The following CERKL variants were observed in gnomAD, a reference collection of about 807,000 sequenced individuals.
The protein encoded by CERKL is CERK like autophagy regulator.
CERKL carries 61 observed loss-of-function variants against 63.4 expected under a neutral mutation model. That is an observed-to-expected ratio of 0.96 (90% CI 0.78 to 1.19). CERKL has a LOEUF of 1.19. CERKL is among the 50% of genes most tolerant of loss of function. The pLI, the probability that CERKL is intolerant of heterozygous loss-of-function variation, is 0.00. For missense variants in CERKL, 675 were observed against 655.5 expected (o/e 1.03, Z -0.33); for synonymous variants, 250 against 230.5 (o/e 1.08, Z -0.77).
intron 1 of CERKL, among the ~76,000 whole-genome samples, chr2:181,637,521 T>C (rs925208430): frequency 2.0e-5 from 3 of 152,098 alleles, no homozygotes; most frequent in Non-Finnish European, 4.4e-5. Context: ...ATATTGTACA[T>C]GTGTTTAAGA....
intron 1 of CERKL, among the ~76,000 whole-genome samples, chr2:181,615,251 T>C (rs1686141689): frequency 6.6e-6 from 1 of 152,192 alleles, no homozygotes; most frequent in Admixed American, 6.5e-5. Flanking sequence ...CTTGTCACCA[T>C]GAGAGCAAAG....
At chr2:181,619,837 G>A (rs1017832612) in intron 1 of CERKL, among the ~76,000 whole-genome samples, 1 of 152,194 alleles carries the variant, frequency 6.6e-6, no homozygotes, top group Non-Finnish European at 1.5e-5. Flanking sequence ...ACCAGAGGGT[G>A]AAGGTTCAAA....
intron 1 of CERKL, 111 bp downstream of exon 1, chr2:181,656,658 G>A: frequency 1.1e-6 from 1 of 926,202 alleles, no homozygotes; most frequent in South Asian, 1.8e-5. Flanking sequence ...GCACGGGGAG[G>A]GGAGGCGAGA....
At chr2:181,579,189 A>G (rs956727796) in intron 2 of CERKL, among the ~76,000 whole-genome samples, 11 of 151,966 alleles carry the variant, frequency 7.2e-5, no homozygotes, top group African/African-American at 2.7e-4. Flanking sequence ...AAGTGCTTAG[A>G]AAAGCACCTG....
chr2:181,574,466 G>A (rs1159984050), intron 2 of CERKL, among the ~76,000 whole-genome samples: 1 of 152,178 alleles, frequency 6.6e-6, no homozygotes, highest in Non-Finnish European at 1.5e-5. Context: ...AAAGGGGCCA[G>A]GGGAGAAAGA....
At chr2:181,552,500 C>T in intron 5 of CERKL, among the ~76,000 whole-genome samples, 1 of 152,150 alleles carries the variant, frequency 6.6e-6, no homozygotes, top group East Asian at 1.9e-4. Context: ...TGCCTTCCAC[C>T]ATGGTTGTAA....
Position 181,537,122 on chromosome 2 carries a change from T to TTTAAAAAAC in CERKL, c.*1053_*1061dup, listed in dbSNP as rs1687164397. On this transcript the variant is annotated 3_prime_UTR_variant, in exon 13 of 13. Transcript: ENST00000410087. ...ATAAACTTTATGACATTTATGTATTTTTAAAAAACTTTGTATCGTTATAAA... is the reference window on the plus strand; with the variant it reads ...ATAAACTTTATGACATTTATGTATTTTTAAAAAACTTAAAAAACTTTGTATCGTTATAAA... 4.4e-6 allele frequency: 2 copies of TTTAAAAAAC among 453,002 alleles called. No homozygotes were observed. Among genetic ancestry groups the TTTAAAAAAC allele is most frequent in the Admixed American group, 4.7e-5 (2 of 42,350 alleles). The allele number at this position is 453,002 out of a possible 1,614,324, so 28.1% of individuals were successfully genotyped here.
chr2:181,644,158 T>C (rs1687568778), intron 1 of CERKL, among the ~76,000 whole-genome samples: 1 of 152,236 alleles, frequency 6.6e-6, no homozygotes, highest in Admixed American at 6.5e-5. Context: ...TGAGGTGTAT[T>C]CTTAATTTTT....
At chr2:181,609,530 T>C (rs1685867612) in intron 1 of CERKL, among the ~76,000 whole-genome samples, 1 of 26,730 alleles carries the variant, frequency 3.7e-5, no homozygotes, top group African/African-American at 1.7e-4. Flanking sequence ...ACCCTGTCTC[T>C]ACTAAAAAAA....
chr2:181,611,318 G>A (rs569962701), intron 1 of CERKL, among the ~76,000 whole-genome samples: 1 of 152,124 alleles, frequency 6.6e-6, no homozygotes, highest in Admixed American at 6.5e-5. Context: ...TGGAGTATTG[G>A]TTTTGTTAAA....
rs142033823 is a variant in CERKL, at chr2:181,574,490, T to A, written c.482-606A>T. 1.7e-4 allele frequency among the ~76,000 whole-genome samples: 26 copies of A among 152,248 alleles called. 1 individual carries two copies. In the East Asian group the frequency reaches 4.8e-3, roughly 28 times the overall value. ...AGGGGAGAAAGAACTCTTTTGGGAA[T>A]TGGGAAAGCAACGCCTCTCAGCAGG... On this transcript the variant is annotated intron_variant, in intron 2 of 12. Coordinates refer to ENST00000410087, the MANE Select transcript of CERKL (RefSeq NM_201548.5).
chr2:181,575,828 C>T (rs750666534), intron 2 of CERKL, among the ~76,000 whole-genome samples: 1 of 152,146 alleles, frequency 6.6e-6, no homozygotes, highest in Admixed American at 6.5e-5. Context: ...TTCCTTTAAG[C>T]TCCACCCCAT....
chr2:181,537,230 G>T lies in CERKL; in HGVS notation c.*954C>A, dbSNP rs11553356. The stretch of plus-strand genomic sequence containing the variant: ...GATTTAGAACTGTCTTCTCCAGGAT[G>T]GTCTCTAAGGAAATTTACATTTGGT... On this transcript the variant is annotated 3_prime_UTR_variant, in exon 13 of 13. Transcript: ENST00000410087. 0.13 allele frequency: 58,159 copies of T among 452,766 alleles called. 4,653 individuals are homozygous for T. The highest frequency in any genetic ancestry group is 0.22 in the African/African-American group (10,981 of 49,916). 28.0% of individuals were successfully genotyped at this position (452,766 alleles called of 1,614,324 possible).
rs781266244 is a variant in CERKL at position 181,536,777 on chromosome 2, T to C, written c.*1407A>G. ...AAATTTCTTTAAATACAATCATTTT[T>C]GTAATATTTATTTTATGCTTATGAT... On this transcript the variant is annotated 3_prime_UTR_variant, in exon 13 of 13. Coordinates refer to ENST00000410087, the MANE Select transcript of CERKL (RefSeq NM_201548.5). The C allele has an allele frequency of 4.4e-5, 11 of 249,446 alleles. No homozygotes were observed. The highest frequency in any genetic ancestry group is 4.1e-4 in the South Asian group (9 of 22,018). 15.5% of individuals were successfully genotyped at this position (249,446 alleles called of 1,614,324 possible).
chr2:181,641,160 C>T (rs886541379), intron 1 of CERKL, among the ~76,000 whole-genome samples: 1 of 151,970 alleles, frequency 6.6e-6, no homozygotes, highest in Admixed American at 6.6e-5. Context: ...CAATGTATCA[C>T]AATGACCATG....
At chr2:181,541,828 G>C (rs1466917119) in intron 11 of CERKL, among the ~76,000 whole-genome samples, 1 of 152,234 alleles carries the variant, frequency 6.6e-6, no homozygotes, top group Non-Finnish European at 1.5e-5. Flanking sequence ...AGAAAGTGGT[G>C]CCATTGACCC....
intron 5 of CERKL, among the ~76,000 whole-genome samples, chr2:181,553,907 C>CTACA (rs1688095691): frequency 6.6e-6 from 1 of 152,106 alleles, no homozygotes; most frequent in Non-Finnish European, 1.5e-5. Context: ...GAAAAGATGT[C>CTACA]TACATGCCAA....
At chr2:181,566,173 C>A in intron 3 of CERKL, 52 bp from the exon 4 acceptor site, 2 of 1,412,454 alleles carry the variant, frequency 1.4e-6, no homozygotes, top group South Asian at 2.3e-5. Flanking sequence ...AAACAATGAT[C>A]ACACTTTTTA....
chr2:181,614,504 A>G (rs562392704), intron 1 of CERKL, among the ~76,000 whole-genome samples: 1 of 152,326 alleles, frequency 6.6e-6, no homozygotes, highest in African/African-American at 2.4e-5. Context: ...TATTTTCCAT[A>G]TGAATCACAA....
Sources: gnomAD v4.1 joint callset for allele counts (sites outside exome capture counted in the v4.1 genomes callset) on GRCh38, gnomAD v4.1.1 for gene constraint, MANE v1.5 for transcripts, NCBI Gene and HGNC (gene_info 2026-07-23, HGNC 2026-07-21) for gene names.